Variants in ACSS2 observed in about 807,000 individuals in gnomAD.
ACSS2 encodes the protein acyl-CoA synthetase short chain family member 2.
Under a neutral mutation model 90.6 loss-of-function variants are expected in ACSS2, and 58 were observed. The observed-to-expected ratio is 0.64, with a 90% confidence interval of 0.52 to 0.80. ACSS2 has a LOEUF of 0.80. ACSS2 is among the 30% of genes least tolerant of loss of function. The probability of loss-of-function intolerance (pLI) is 0.00; values close to 1 mark genes in which losing one functional copy is unlikely to be tolerated. For synonymous variants in ACSS2, 300 were observed against 330.9 expected, an observed-to-expected ratio of 0.91 and a Z score of 1.01; for missense variants, 759 against 912.0, an observed-to-expected ratio of 0.83 and a Z score of 2.16.
chr20:34,879,104 C>T (rs953443931), intron 1 of ACSS2, among the ~76,000 whole-genome samples: 4 of 151,838 alleles, frequency 2.6e-5, no homozygotes, highest in Non-Finnish European at 5.9e-5. Flanking sequence ...CGGGCTTTCA[C>T]CGTGTTAGCC....
intron 1 of ACSS2, among the ~76,000 whole-genome samples, chr20:34,881,227 G>T (rs1266601685): frequency 1.3e-5 from 2 of 149,522 alleles, no homozygotes; most frequent in African/African-American, 5.0e-5. Context: ...AGTAGAGACA[G>T]GATTTCACCA....
intron 15 of ACSS2, 90 bp downstream of exon 15, chr20:34,925,856 CT>C: frequency 6.9e-7 from 1 of 1,444,936 alleles, no homozygotes; most frequent in East Asian, 2.4e-5. Flanking sequence ...CAGGAGTGTC[CT>C]TTGGCCAGAC....
chr20:34,909,229 A>G (rs1361189858), intron 2 of ACSS2, among the ~76,000 whole-genome samples: 1 of 150,038 alleles, frequency 6.7e-6, no homozygotes, highest in Non-Finnish European at 1.5e-5. Context: ...GTAGCCAGAC[A>G]TGGTGACTCT....
At chr20:34,909,879 G>C (rs2080906807) in intron 2 of ACSS2, among the ~76,000 whole-genome samples, 1 of 151,978 alleles carries the variant, frequency 6.6e-6, no homozygotes, top group Admixed American at 6.6e-5. Context: ...ACCATGCCCG[G>C]CTAATTTTTG....
intron 2 of ACSS2, among the ~76,000 whole-genome samples, chr20:34,908,220 G>T (rs540368899): frequency 4.6e-5 from 7 of 152,294 alleles, no homozygotes; most frequent in African/African-American, 1.7e-4. Flanking sequence ...AAGCGTGGAG[G>T]TGGACCTGAA....
At chr20:34,922,078 T>G in intron 13 of ACSS2, 3 of 1,221,086 alleles carry the variant, frequency 2.5e-6, no homozygotes, top group Non-Finnish European at 2.1e-6. Context: ...CTAAGGGCGT[T>G]TTAAGAGTTG....
chr20:34,896,649 A>T (rs2080467761), intron 2 of ACSS2, among the ~76,000 whole-genome samples: 1 of 152,244 alleles, frequency 6.6e-6, no homozygotes, highest in South Asian at 2.1e-4. Context: ...ATATAAAAAG[A>T]TATCCTGTCT....
rs552656506 is a variant in ACSS2, at chr20:34,890,059, A to G, written c.374+7070A>G. Among the ~76,000 whole-genome samples, 17 of 152,296 alleles carry G rather than the reference A, an allele frequency of 1.1e-4. No homozygotes were observed. In the South Asian group the frequency reaches 3.5e-3, roughly 32 times the overall value. The stretch of plus-strand genomic sequence containing the variant: ...AATGGAACAATGACATTTTAGAGTG[A>G]TTTGATAATTTTACAGTAATTTAAT... On this transcript the variant is annotated intron_variant, in intron 2 of 17. Transcript: ENST00000360596.
intron 2 of ACSS2, among the ~76,000 whole-genome samples, chr20:34,911,156 T>A (rs1041359669): frequency 6.6e-6 from 1 of 150,914 alleles, no homozygotes; most frequent in Non-Finnish European, 1.5e-5. Flanking sequence ...TGGCTGGGAC[T>A]ATAGGTGCAT....
At chr20:34,917,366 C>T (rs1024226113) in intron 7 of ACSS2, among the ~76,000 whole-genome samples, 5 of 152,136 alleles carry the variant, frequency 3.3e-5, no homozygotes, top group Non-Finnish European at 5.9e-5. Flanking sequence ...GTTTTCTAAC[C>T]GTAGGCAGCT....
chr20:34,876,682 G>A lies in ACSS2; in HGVS notation c.37G>A (p.Gly13Arg). The A allele has an allele frequency of 1.4e-6, 2 of 1,414,334 alleles. No individual in the cohort carries two copies. Among genetic ancestry groups the A allele is most frequent in the East Asian group, 3.0e-5 (1 of 33,400 alleles). 87.6% of individuals were successfully genotyped at this position (1,414,334 alleles called of 1,614,324 possible). The change falls in exon 1 of 18, where the codon GGG becomes AGG. Residue 13 changes from glycine (G) to arginine (R), a missense_variant. Coordinates refer to ENST00000360596, the MANE Select transcript of ACSS2 (RefSeq NM_018677.4). The part of the protein sequence containing the change: ...LPEERVRSGS[G>R]SRGQEEAGAG... Reference sequence around the variant, plus strand: ...TGAGGAGCGGGTCCGGAGCGGCAGCGGGAGCCGGGGCCAGGAGGAAGCTGG... The same window carrying A: ...TGAGGAGCGGGTCCGGAGCGGCAGCAGGAGCCGGGGCCAGGAGGAAGCTGG...
At chr20:34,900,249 C>T (rs1200455292) in intron 2 of ACSS2, among the ~76,000 whole-genome samples, 3 of 139,802 alleles carry the variant, frequency 2.1e-5, no homozygotes, top group Admixed American at 7.6e-5. Context: ...TGGCTGATTA[C>T]GACCTCTGCC....
In ACSS2 at chr20:34,913,440, G is replaced by A; in HGVS notation, c.514G>A (p.Glu172Lys). ...GGCCATCTACATGCCTATGATCCCA[G>A]AGCTTGTGGTGGCCATGCTGGCATG... ...RVAIYMPMIP[E>K]LVVAMLACAR... Residue 172 changes from glutamate to lysine, a missense_variant, in exon 4 of 18, where the codon GAG becomes AAG. Transcript: ENST00000360596. 2 of 1,614,066 alleles carry A rather than the reference G, an allele frequency of 1.2e-6. No individual in the cohort carries two copies. The highest frequency in any genetic ancestry group is 1.7e-6 in the Non-Finnish European group (2 of 1,180,000).
chr20:34,886,775 T>C (rs2080205316), intron 2 of ACSS2, among the ~76,000 whole-genome samples: 1 of 152,234 alleles, frequency 6.6e-6, no homozygotes, highest in Non-Finnish European at 1.5e-5. Flanking sequence ...CTCACTTCTT[T>C]CTGTTCTAAT....
chr20:34,889,068 G>A lies in ACSS2; in HGVS notation c.374+6079G>A, dbSNP rs1374658903. Among the ~76,000 whole-genome samples the A allele has an allele frequency of 2.0e-5, 3 of 148,248 alleles. No homozygotes were observed. The East Asian group carries it at 5.9e-4, about 29-fold the overall frequency. On this transcript the variant is annotated intron_variant, in intron 2 of 17. Transcript: ENST00000360596. ...TGCCCAGGCTGGAATGCAGTGGTAC[G>A]ATCTCGGCTCACTGCACCCGCCATC...
chr20:34,905,644 A>G (rs2080780909), intron 2 of ACSS2, among the ~76,000 whole-genome samples: 1 of 152,208 alleles, frequency 6.6e-6, no homozygotes, highest in Non-Finnish European at 1.5e-5. Context: ...GATTCCTAGC[A>G]AGCAAAAGCT....
chr20:34,919,519 G>A lies in ACSS2; in HGVS notation c.919G>A (p.Ala307Thr). The A allele has an allele frequency of 6.2e-7, 1 of 1,612,112 alleles. No individual in the cohort carries two copies. Among genetic ancestry groups the A allele is most frequent in the Admixed American group, 1.7e-5 (1 of 59,978 alleles). ...TGAGTGTGAGCCCGAGTGGTGTGAT[G>A]CCGAGGACCCACTCTTCATCCTGTA... Reference protein sequence around the residue: ...GDECEPEWCDAEDPLFILYTS... With the variant: ...GDECEPEWCDTEDPLFILYTS... The change falls in exon 8 of 18, where the codon GCC becomes ACC. Residue 307 changes from alanine (A) to threonine (T), a missense_variant. Physicochemically the swap from Ala to Thr is moderately conservative, Grantham distance 58. Transcript: ENST00000360596.
chr20:34,925,496 A>G (rs1181150733), intron 14 of ACSS2, among the ~76,000 whole-genome samples: 1 of 152,106 alleles, frequency 6.6e-6, no homozygotes, highest in East Asian at 1.9e-4. Context: ...CCCTAGTACA[A>G]TGAGAAAGAG....
In ACSS2 at chr20:34,913,131, C is replaced by T; in HGVS notation, c.410C>T (p.Thr137Ile). The T allele has an allele frequency of 1.2e-6, 2 of 1,614,166 alleles. No homozygotes were observed. The highest frequency in any genetic ancestry group is 1.7e-6 in the Non-Finnish European group (2 of 1,180,036). ...GNEPGETTQI[T>I]YHQLLVQVCQ... ...GAGCCAGGGGAGACCACTCAGATCACATACCATCAGCTTCTGGTCCAAGTG... is the reference window on the plus strand; with the variant it reads ...GAGCCAGGGGAGACCACTCAGATCATATACCATCAGCTTCTGGTCCAAGTG... Residue 137 changes from threonine to isoleucine, a missense_variant, in exon 3 of 18, where the codon ACA becomes ATA. Coordinates refer to ENST00000360596, the MANE Select transcript of ACSS2 (RefSeq NM_018677.4).
Sources: gnomAD v4.1 joint callset for allele counts (sites outside exome capture counted in the v4.1 genomes callset) on GRCh38, gnomAD v4.1.1 for gene constraint, MANE v1.5 for transcripts, NCBI Gene and HGNC (gene_info 2026-07-23, HGNC 2026-07-21) for gene names.